The following INO80 variants were observed in gnomAD, a reference collection of about 807,000 sequenced individuals.
INO80 encodes chromatin-remodeling ATPase INO80.
A neutral mutation model predicts 203.4 loss-of-function variants in INO80; 20 were observed. That is an observed-to-expected ratio of 0.10 (90% confidence interval 0.07 to 0.14). The LOEUF (loss-of-function observed/expected upper bound fraction) is 0.14, where lower values mean the gene tolerates loss of function less well. INO80 is among the 10% of genes least tolerant of loss of function. The pLI, the probability that INO80 is intolerant of heterozygous loss-of-function variation, is 1.00. For missense variants in INO80, 1,419 were observed against 1,914.4 expected (o/e 0.74, Z 4.83); for synonymous variants, 726 against 685.2 (o/e 1.06, Z -0.93).
intron 5 of INO80, among the ~76,000 whole-genome samples, 198 bp from the exon 6 acceptor site, chr15:41,087,880 G>A (rs1409277982): frequency 4.6e-5 from 7 of 151,724 alleles, no homozygotes; most frequent in South Asian, 4.2e-4. Context: ...TCCTATACAC[G>A]TAACAAGTCA....
chr15:41,080,482 C>T (rs1225411951), intron 8 of INO80, among the ~76,000 whole-genome samples: 2 of 152,174 alleles, frequency 1.3e-5, no homozygotes, highest in East Asian at 3.9e-4. Context: ...CCATGATCTG[C>T]TCAAGAAATC....
intron 24 of INO80, among the ~76,000 whole-genome samples, chr15:41,037,540 C>T (rs1195479890): frequency 6.6e-6 from 1 of 151,970 alleles, no homozygotes; most frequent in African/African-American, 2.4e-5. Flanking sequence ...TAATGTTAAG[C>T]TTAGTGTTAG....
chr15:41,002,006 T>C (rs545705226), intron 28 of INO80, among the ~76,000 whole-genome samples: 22 of 152,252 alleles, frequency 1.4e-4, no homozygotes, highest in African/African-American at 5.3e-4. Flanking sequence ...GGTCAGCATA[T>C]GCATAGTCCA....
At chr15:41,112,423 T>C (rs765004592) in intron 1 of INO80, among the ~76,000 whole-genome samples, 35 of 152,188 alleles carry the variant, frequency 2.3e-4, no homozygotes, top group Non-Finnish European at 4.6e-4. Context: ...TTAGTGCCTA[T>C]GCCCTTCTCA....
At chr15:41,049,518 G>A in intron 20 of INO80, 98 bp from the exon 21 acceptor site, 1 of 1,087,866 alleles carries the variant, frequency 9.2e-7, no homozygotes, top group Non-Finnish European at 1.4e-6. Flanking sequence ...TTTGGGAATG[G>A]ATACTTTCCC....
intron 28 of INO80, among the ~76,000 whole-genome samples, chr15:40,998,016 CTTTTTTTTTTT>C (rs10572892): frequency 1.3e-5 from 1 of 75,178 alleles, no homozygotes; most frequent in Middle Eastern, 5.6e-3. Context: ...CCAAAACACT[CTTTTTTTTTTT>C]TTTTTTTTTT....
At chr15:41,038,571 A>C (rs555610561) in intron 24 of INO80, among the ~76,000 whole-genome samples, 1 of 152,272 alleles carries the variant, frequency 6.6e-6, no homozygotes, top group South Asian at 2.1e-4. Flanking sequence ...TATGGAACTT[A>C]AGATTCCCTC....
chr15:41,087,097 C>T (rs2045574209), intron 6 of INO80, among the ~76,000 whole-genome samples: 1 of 150,868 alleles, frequency 6.6e-6, no homozygotes, highest in Non-Finnish European at 1.5e-5. Flanking sequence ...GTGGGTTCCA[C>T]ATCATAGATT....
intron 26 of INO80, 145 bp from the exon 27 acceptor site, chr15:41,016,360 C>T: frequency 1.3e-6 from 1 of 745,584 alleles, no homozygotes; most frequent in Non-Finnish European, 2.1e-6. Flanking sequence ...AGGGAGAATG[C>T]AACGCCCTGA....
At chr15:41,037,767 A>C (rs2044602771) in intron 24 of INO80, among the ~76,000 whole-genome samples, 1 of 151,668 alleles carries the variant, frequency 6.6e-6, no homozygotes, top group Admixed American at 6.6e-5. Flanking sequence ...ACATGGCGAA[A>C]CCCCACCTCT....
chr15:40,987,443 GAAAAAAAC>G (rs1309833132), intron 30 of INO80, among the ~76,000 whole-genome samples: 1 of 151,984 alleles, frequency 6.6e-6, no homozygotes, highest in African/African-American at 2.4e-5. Context: ...GAATCAGGAT[GAAAAAAAC>G]AAAAAATAAC....
intron 1 of INO80, among the ~76,000 whole-genome samples, chr15:41,108,554 T>G (rs2140706329): frequency 7.2e-6 from 1 of 139,368 alleles, no homozygotes; most frequent in South Asian, 2.2e-4. Context: ...ATCTCGCCAC[T>G]GCATTCCAGC....
chr15:41,012,598 A>C (rs73399670), intron 27 of INO80, among the ~76,000 whole-genome samples: 7 of 142,532 alleles, frequency 4.9e-5, no homozygotes, highest in African/African-American at 1.0e-4. Flanking sequence ...GCGATTCAGT[A>C]AATATAAAAT....
intron 24 of INO80, among the ~76,000 whole-genome samples, chr15:41,030,159 A>G (rs542204924): frequency 1.3e-5 from 2 of 152,350 alleles, no homozygotes; most frequent in East Asian, 3.9e-4. Flanking sequence ...CTTTGTTCCA[A>G]TAATATAAAG....
chr15:41,106,645 C>G (rs77737176), intron 1 of INO80, among the ~76,000 whole-genome samples: 1 of 151,998 alleles, frequency 6.6e-6, no homozygotes, highest in African/African-American at 2.4e-5. Context: ...AAAAAAGAAA[C>G]CAAGATCTGG....
chr15:41,114,513 G>A (rs971700104), intron 1 of INO80, among the ~76,000 whole-genome samples: 56 of 150,444 alleles, frequency 3.7e-4, no homozygotes, highest in Admixed American at 3.5e-3. Flanking sequence ...GTTCGAGACC[G>A]GCCTAGCCAA....
chr15:40,982,484 C>A (rs1893868349), intron 35 of INO80, among the ~76,000 whole-genome samples: 1 of 152,308 alleles, frequency 6.6e-6, no homozygotes, highest in East Asian at 1.9e-4. Context: ...GCAGGTGCCT[C>A]ATATCTAGGT....
chr15:41,049,168 C>G (rs2044819546), intron 21 of INO80, 119 bp downstream of exon 21: 1 of 783,348 alleles, frequency 1.3e-6, no homozygotes, highest in African/African-American at 1.8e-5. Flanking sequence ...AGTTGTCCAC[C>G]CTTTGCTTAA....
intron 24 of INO80, among the ~76,000 whole-genome samples, chr15:41,038,108 G>C (rs1359511601): frequency 1.5e-5 from 2 of 130,696 alleles, no homozygotes; most frequent in African/African-American, 5.8e-5. Context: ...TTCGTCTCCC[G>C]TTTTCAAGTG....
Sources: allele counts gnomAD v4.1 joint callset (sites outside exome capture counted in the v4.1 genomes callset), GRCh38; gene constraint gnomAD v4.1.1; transcripts MANE v1.5; gene names NCBI Gene and HGNC (gene_info 2026-07-23, HGNC 2026-07-21).